Variants in EHBP1 observed in about 807,000 individuals in gnomAD.
The protein encoded by EHBP1 is EH domain-binding protein 1.
Under a neutral mutation model 144.0 loss-of-function variants are expected in EHBP1, and 55 were observed. The observed-to-expected ratio is 0.38, with a 90% confidence interval of 0.31 to 0.48. The LOEUF (loss-of-function observed/expected upper bound fraction) is 0.48. Among genes scored for constraint, EHBP1 ranks in the 20% least tolerant of loss-of-function variants. The pLI is 0.98. For missense variants in EHBP1, 1,200 were observed against 1,364.2 expected (o/e 0.88, Z 1.90); for synonymous variants, 469 against 472.7 (o/e 0.99, Z 0.10).
rs545699776 is a variant in EHBP1, at chr2:62,906,779, C to T, written c.1185+32247C>T. On this transcript the variant is annotated intron_variant, in intron 10 of 22. Transcript: ENST00000431489. ...AAGGATACCTGGAGTTGCCCATTTA[C>T]AGCCAAAACCACTAATCCACTTCTA... is the stretch of plus-strand genomic sequence containing the variant. Among the ~76,000 whole-genome samples, 2 of 152,284 alleles carry T rather than the reference C, an allele frequency of 1.3e-5. 1 individual carries two copies. Among genetic ancestry groups the T allele is most frequent in the African/African-American group, 4.8e-5 (2 of 41,566 alleles).
intron 5 of EHBP1, among the ~76,000 whole-genome samples, chr2:62,816,127 G>C (rs1449145788): frequency 3.3e-5 from 5 of 152,096 alleles, no homozygotes; most frequent in Non-Finnish European, 7.4e-5. Context: ...CTACATATCT[G>C]TGTGATACTT....
Position 63,024,474 on chromosome 2 carries a change from T to G in EHBP1, c.3104-13061T>G, listed in dbSNP as rs561313392. ...AAAATGAGCTCAGCATGGTGGCATG[T>G]GTTTGTGGTCCCAGCTACTCAGGAG... On this transcript the variant is annotated intron_variant, in intron 19 of 22. Coordinates refer to ENST00000431489, the MANE Select transcript of EHBP1 (RefSeq NM_001142616.3). 9.2e-5 allele frequency among the ~76,000 whole-genome samples: 14 copies of G among 152,022 alleles called. No homozygotes were observed. In the South Asian group the frequency reaches 2.9e-3, roughly 32 times the overall value.
chr2:62,868,086 A>C (rs985410155), intron 9 of EHBP1, among the ~76,000 whole-genome samples: 6 of 152,152 alleles, frequency 3.9e-5, no homozygotes, highest in African/African-American at 7.2e-5. Context: ...ATAAAAACTG[A>C]AGATTCAGCC....
intron 19 of EHBP1, among the ~76,000 whole-genome samples, chr2:63,036,292 G>A (rs2061437501): frequency 6.6e-6 from 1 of 151,988 alleles, no homozygotes; most frequent in Non-Finnish European, 1.5e-5. Context: ...TGTAATATGA[G>A]CTTTTATGTG....
intron 2 of EHBP1, among the ~76,000 whole-genome samples, chr2:62,732,523 T>A (rs1465443394): frequency 5.3e-5 from 8 of 152,154 alleles, no homozygotes; most frequent in Non-Finnish European, 8.8e-5. Flanking sequence ...GCTGTTCTCG[T>A]GATAAGAGTT....
At chr2:62,875,787 C>A (rs562184387) in intron 10 of EHBP1, among the ~76,000 whole-genome samples, 4 of 152,058 alleles carry the variant, frequency 2.6e-5, no homozygotes, top group Admixed American at 2.0e-4. Flanking sequence ...TATGAAAGAA[C>A]CAAAATTATC....
intron 14 of EHBP1, among the ~76,000 whole-genome samples, chr2:62,962,854 A>G (rs1312099568): frequency 6.6e-6 from 1 of 152,226 alleles, no homozygotes; most frequent in Non-Finnish European, 1.5e-5. Context: ...AGAAAGAACT[A>G]TCAGGAAGTA....
intron 2 of EHBP1, among the ~76,000 whole-genome samples, chr2:62,742,665 G>T (rs1272125751): frequency 1.3e-5 from 2 of 152,076 alleles, no homozygotes; most frequent in African/African-American, 4.8e-5. Flanking sequence ...GAGGTTGCCA[G>T]AGTCAAGTGG....
At chr2:62,698,418 A>C (rs2034173413) in intron 1 of EHBP1, among the ~76,000 whole-genome samples, 1 of 152,232 alleles carries the variant, frequency 6.6e-6, no homozygotes, top group African/African-American at 2.4e-5. Context: ...TAGGTAACTC[A>C]GTACTATGTT....
At chr2:62,892,637 T>A (rs575185241) in intron 10 of EHBP1, among the ~76,000 whole-genome samples, 2 of 152,250 alleles carry the variant, frequency 1.3e-5, no homozygotes, top group South Asian at 4.1e-4. Flanking sequence ...TAGCAAAACT[T>A]TACCTTATAC....
intron 2 of EHBP1, among the ~76,000 whole-genome samples, chr2:62,721,583 G>A (rs998597483): frequency 6.6e-6 from 1 of 152,190 alleles, no homozygotes; most frequent in Non-Finnish European, 1.5e-5. Flanking sequence ...TTGAAGTTAT[G>A]TAAGTGTCCT....
At chr2:62,769,784 C>G (rs2041493646) in intron 4 of EHBP1, among the ~76,000 whole-genome samples, 1 of 135,738 alleles carries the variant, frequency 7.4e-6, no homozygotes, top group Non-Finnish European at 1.6e-5. Context: ...ACCAAAACAG[C>G]ATGGTACTGG....
intron 7 of EHBP1, among the ~76,000 whole-genome samples, chr2:62,840,931 G>A (rs1346425298): frequency 6.6e-6 from 1 of 152,122 alleles, no homozygotes; most frequent in Non-Finnish European, 1.5e-5. Context: ...AGTCAGTGTG[G>A]TGATTCCTCA....
Position 63,045,194 on chromosome 2 carries a change from G to A in EHBP1, c.3392+14G>A. On this transcript the variant is annotated intron_variant, in intron 22 of 22. Transcript: ENST00000431489. This position sits in a 1 kb window ranked among gnomAD's most constrained non-coding sequence, Gnocchi z 5.7. ...GCAGGAGAAGCAGTGAGTGGGCAGT[G>A]GGGTCGGGTCGAGGCTGGGCCACCT... is the stretch of plus-strand genomic sequence containing the variant. 1 of 1,568,828 alleles carries A rather than the reference G, an allele frequency of 6.4e-7. No individual in the cohort carries two copies. Among genetic ancestry groups the A allele is most frequent in the Non-Finnish European group, 8.7e-7 (1 of 1,154,718 alleles).
At chr2:62,885,766 C>T (rs539807018) in intron 10 of EHBP1, among the ~76,000 whole-genome samples, 35 of 152,170 alleles carry the variant, frequency 2.3e-4, no homozygotes, top group African/African-American at 7.5e-4. Flanking sequence ...AGAGCCCCAC[C>T]GTACATTCCA....
chr2:62,870,714 T>G (rs2050395162), intron 9 of EHBP1, among the ~76,000 whole-genome samples: 1 of 41,694 alleles, frequency 2.4e-5, no homozygotes, highest in African/African-American at 1.4e-4. Flanking sequence ...AGACTGCATC[T>G]CAAAAAAAAA....
At chr2:62,707,339 G>A in intron 2 of EHBP1, 44 bp downstream of exon 2, 1 of 1,410,892 alleles carries the variant, frequency 7.1e-7, no homozygotes, top group Non-Finnish European at 1.0e-6. Context: ...TGTGGCCTAA[G>A]CATACTGTGG....
chr2:62,724,326 G>A (rs2036537251), intron 2 of EHBP1, among the ~76,000 whole-genome samples: 1 of 152,136 alleles, frequency 6.6e-6, no homozygotes, highest in South Asian at 2.1e-4. Context: ...CTGTCAGATT[G>A]GTTACATTCT....
chr2:62,678,345 A>G (rs577749849), intron 1 of EHBP1, among the ~76,000 whole-genome samples: 1 of 152,268 alleles, frequency 6.6e-6, no homozygotes, highest in South Asian at 2.1e-4. Flanking sequence ...ACTTTTTCCT[A>G]TAGAGTTGTC....
Sources: allele counts gnomAD v4.1 joint callset (sites outside exome capture counted in the v4.1 genomes callset), GRCh38; gene constraint gnomAD v4.1.1; non-coding constraint Gnocchi (gnomAD v3.1); transcripts MANE v1.5; gene names NCBI Gene and HGNC (gene_info 2026-07-23, HGNC 2026-07-21).